Variants in CEP44 observed in about 807,000 individuals in gnomAD.
CEP44 encodes the protein centrosomal protein 44, also known as centrosomal protein of 44 kDa.
Under a neutral mutation model 46.7 loss-of-function variants are expected in CEP44, and 45 were observed. The ratio of observed to expected loss-of-function variants is 0.96; its 90% CI spans 0.76 to 1.24. CEP44 has a LOEUF of 1.24. Among genes scored for constraint, CEP44 ranks in the 50% most tolerant of loss-of-function variants. CEP44 has a pLI of 0.00. For missense variants in CEP44, 475 were observed against 459.7 expected (o/e 1.03, Z -0.30); for synonymous variants, 142 against 146.0 (o/e 0.97, Z 0.20).
chr4:174,286,815 C>A lies in CEP44; in HGVS notation c.-148+2872C>A, dbSNP rs1032327894. ...GTTTAAAGTCTCAGTTCGTTCAAAT[C>A]TTTTGGTTCACGTATGTGTTTTTCT... On this transcript the variant is annotated intron_variant, in intron 1 of 11. Transcript: ENST00000503780. The surrounding 1 kb of genome is among the most constrained non-coding windows in gnomAD (Gnocchi z 5.2). 6.6e-5 allele frequency among the ~76,000 whole-genome samples: 10 copies of A among 152,154 alleles called. No homozygotes were observed. The highest frequency in any genetic ancestry group is 1.2e-4 in the Non-Finnish European group (8 of 68,008).
intron 10 of CEP44, 33 bp from the exon 11 acceptor site, chr4:174,316,497 A>T (rs1741733925): frequency 6.5e-7 from 1 of 1,550,294 alleles, no homozygotes. Context: ...TACTTTGAGA[A>T]ATCATCTAAA....
intron 8 of CEP44, among the ~76,000 whole-genome samples, chr4:174,330,219 T>C (rs1301588484): frequency 6.6e-6 from 1 of 152,202 alleles, no homozygotes; most frequent in Non-Finnish European, 1.5e-5. Flanking sequence ...CTGGGTGCAG[T>C]GGCTCACGCC....
At chr4:174,305,236 C>G (rs1014231093) in intron 6 of CEP44, among the ~76,000 whole-genome samples, 7 of 152,074 alleles carry the variant, frequency 4.6e-5, no homozygotes, top group Non-Finnish European at 4.4e-5. Flanking sequence ...GGTGGATCAC[C>G]TAAAGTCAGG....
In CEP44 at chr4:174,312,122, T is replaced by C. The variant is rs575355113; in HGVS notation, c.961+1264T>C. 6.6e-6 allele frequency among the ~76,000 whole-genome samples: 1 copy of C among 152,186 alleles called. No homozygotes were observed. The highest frequency in any genetic ancestry group is 2.1e-4 in the South Asian group (1 of 4,832). On this transcript the variant is annotated intron_variant, in intron 9 of 11. Transcript: ENST00000503780. This position sits in a 1 kb window ranked among gnomAD's most constrained non-coding sequence, Gnocchi z 4.5. Reference sequence around the variant, plus strand: ...ATTTGCATATAGTAGAGTTTAAATATTTATTCACTGAAAGAATATTGAATG... The same window carrying C: ...ATTTGCATATAGTAGAGTTTAAATACTTATTCACTGAAAGAATATTGAATG...
chr4:174,302,783 A>ATT (rs1277308350), intron 4 of CEP44, among the ~76,000 whole-genome samples: 65 of 133,646 alleles, frequency 4.9e-4, no homozygotes, highest in African/African-American at 1.5e-3. Flanking sequence ...AATGTAGTCT[A>ATT]TTTTTTTTTT....
At chr4:174,298,288 G>C (rs887450471) in intron 2 of CEP44, among the ~76,000 whole-genome samples, 2 of 142,366 alleles carry the variant, frequency 1.4e-5, no homozygotes, top group African/African-American at 5.2e-5. Flanking sequence ...CCATTCTCCT[G>C]CCTCAGCCTC....
At position 174,320,048 on chromosome 4, in the gene CEP44, G is replaced by C. The variant is rs915835783; in HGVS notation, c.*2665G>C. 8.4e-5 allele frequency: 83 copies of C among 984,688 alleles called. No homozygotes were observed. Among genetic ancestry groups the C allele is most frequent in the Non-Finnish European group, 9.2e-5 (76 of 829,700 alleles). The allele number at this position is 984,688 out of a possible 1,614,324, so 61.0% of individuals were successfully genotyped here. On this transcript the variant is annotated 3_prime_UTR_variant, in exon 12 of 12. Transcript: ENST00000503780. ...CTCATAAACTGGTTGAAAAAACACT[G>C]TACTACCAACAAAGGTGTCAGTTGC...
intron 1 of CEP44, among the ~76,000 whole-genome samples, chr4:174,296,648 TTGG>T (rs1299070591): frequency 3.3e-5 from 5 of 152,304 alleles, no homozygotes; most frequent in African/African-American, 1.2e-4. Context: ...ATAGTCTATC[TTGG>T]TGGATGTTCC....
chr4:174,302,203 A>G lies in CEP44; in HGVS notation c.237+17A>G. 1 of 1,521,318 alleles carries G rather than the reference A, an allele frequency of 6.6e-7. No individual in the cohort carries two copies. Among genetic ancestry groups the G allele is most frequent in the Non-Finnish European group, 9.0e-7 (1 of 1,113,358 alleles). 94.2% of individuals were successfully genotyped at this position (1,521,318 alleles called of 1,614,324 possible). A position where few individuals can be genotyped will look rare whatever the true frequency, so the allele number is the denominator to read the frequency against. On this transcript the variant is annotated intron_variant, in intron 4 of 11. Coordinates refer to ENST00000503780, the MANE Select transcript of CEP44 (RefSeq NM_001040157.3). Reference sequence around the variant, plus strand: ...GTCTATAAGGTATTTTGAGTTTATCAAACAATAACTATTAGTTATTGAATG... The same window carrying G: ...GTCTATAAGGTATTTTGAGTTTATCGAACAATAACTATTAGTTATTGAATG...
intron 9 of CEP44, among the ~76,000 whole-genome samples, chr4:174,315,730 A>G (rs1430590162): frequency 6.6e-6 from 1 of 151,608 alleles, no homozygotes; most frequent in Non-Finnish European, 1.5e-5. Flanking sequence ...AGTCCCAGCT[A>G]CTCGGGAGGC....
chr4:174,318,213 A>G lies in CEP44; in HGVS notation c.*830A>G. ...TGAGTAGCTGGGATTATAGGCATGC[A>G]CCACCATGCCCAGCTAATTTTGTAT... On this transcript the variant is annotated 3_prime_UTR_variant, in exon 12 of 12. Transcript: ENST00000503780. 1.6e-6 allele frequency: 1 copy of G among 636,550 alleles called. No homozygotes were observed. The highest frequency in any genetic ancestry group is 2.0e-6 in the Non-Finnish European group (1 of 511,800). The allele number at this position is 636,550 out of a possible 1,614,324, so 39.4% of individuals were successfully genotyped here. A position where few individuals can be genotyped will look rare whatever the true frequency, so the allele number is the denominator to read the frequency against.
At position 174,303,755 on chromosome 4, in the gene CEP44, TC is replaced by T; in HGVS notation, c.292del (p.Gln98AsnfsTer16). 6.4e-7 allele frequency: 1 copy of T among 1,567,932 alleles called. No individual in the cohort carries two copies. The highest frequency in any genetic ancestry group is 8.7e-7 in the Non-Finnish European group (1 of 1,144,820). ...YKPILTKKQF[I>X]QCGFAEWKIQ... ...CCAATTTTGACAAAAAAGCAGTTTATCCAATGTGGGTTTGCAGAATGGAAAA... is the reference window on the plus strand; with the variant it reads ...CCAATTTTGACAAAAAAGCAGTTTATCAATGTGGGTTTGCAGAATGGAAAA... On this transcript the variant is annotated frameshift_variant, in exon 5 of 12. Coordinates refer to ENST00000503780, the MANE Select transcript of CEP44 (RefSeq NM_001040157.3). LOFTEE classifies it high-confidence loss of function.
rs554194283 is a variant in CEP44, at chr4:174,329,190, A to G, written c.1087-2292A>G. On this transcript the variant is annotated intron_variant, in intron 8 of 8. Coordinates refer to the CEP44 transcript ENST00000426172. This position sits in a 1 kb window ranked among gnomAD's most constrained non-coding sequence, Gnocchi z 4.0. ...AGTCTCAGACTCCTGGCCTCAAGCAATCTTCCTACCTCATCCTCTGAAAGT... is the reference window on the plus strand; with the variant it reads ...AGTCTCAGACTCCTGGCCTCAAGCAGTCTTCCTACCTCATCCTCTGAAAGT... Among the ~76,000 whole-genome samples the G allele has an allele frequency of 3.9e-5, 6 of 152,106 alleles. No homozygotes were observed. Among genetic ancestry groups the G allele is most frequent in the Non-Finnish European group, 5.9e-5 (4 of 68,016 alleles).
chr4:174,315,082 G>C (rs539218502), intron 9 of CEP44, among the ~76,000 whole-genome samples: 8 of 152,142 alleles, frequency 5.3e-5, no homozygotes, highest in Non-Finnish European at 1.2e-4. Context: ...GGCAGAAGTA[G>C]GCAAAAGAGA....
rs551005526 is a variant in CEP44 at position 174,312,413 on chromosome 4, C to A, written c.961+1555C>A. The stretch of plus-strand genomic sequence containing the variant: ...TAAAGTGATCCTCCTTTCTCAGCCT[C>A]CTGAGTAGCTGGGACTACAGGTACG... On this transcript the variant is annotated intron_variant, in intron 9 of 11. Transcript: ENST00000503780. The surrounding 1 kb of genome is among the most constrained non-coding windows in gnomAD (Gnocchi z 4.5). Among the ~76,000 whole-genome samples the A allele has an allele frequency of 2.0e-5, 3 of 152,104 alleles. No individual in the cohort carries two copies. In the East Asian group the frequency reaches 5.8e-4, roughly 29 times the overall value.
Position 174,318,348 on chromosome 4 carries a change from A to G in CEP44, c.*965A>G. The G allele has an allele frequency of 2.0e-6, 2 of 985,358 alleles. No homozygotes were observed. Among genetic ancestry groups the G allele is most frequent in the Non-Finnish European group, 2.4e-6 (2 of 829,920 alleles). The allele number at this position is 985,358 out of a possible 1,614,324, so 61.0% of individuals were successfully genotyped here. On this transcript the variant is annotated 3_prime_UTR_variant, in exon 12 of 12. Transcript: ENST00000503780. ...GCGTAACACTTTTTAAGACCAGTGT[A>G]ACAGAAAGAGAATGTAGCCATTCTA...
At chr4:174,323,066 TTC>T (rs1303632038), downstream of CEP44, among the ~76,000 whole-genome samples, 1 of 152,104 alleles carries the variant, frequency 6.6e-6, no homozygotes, top group East Asian at 1.9e-4. Context: ...AAAATGATAT[TTC>T]TGTTTGCGGC....
chr4:174,324,799 A>G (rs1481462065), downstream of CEP44, among the ~76,000 whole-genome samples: 2 of 152,090 alleles, frequency 1.3e-5, no homozygotes. Flanking sequence ...TGTTCCAAGA[A>G]ACCAATCATA....
intron 9 of CEP44, among the ~76,000 whole-genome samples, chr4:174,315,709 C>T (rs1579150740): frequency 6.6e-6 from 1 of 151,850 alleles, no homozygotes; most frequent in Non-Finnish European, 1.5e-5. Context: ...GGCGTGGTAG[C>T]TGGCGCCTGT....
Sources: gnomAD v4.1 joint callset for allele counts (sites outside exome capture counted in the v4.1 genomes callset) on GRCh38, gnomAD v4.1.1 for gene constraint, Gnocchi (gnomAD v3.1) non-coding constraint, MANE v1.5 for transcripts, NCBI Gene and HGNC (gene_info 2026-07-23, HGNC 2026-07-21) for gene names.